VPS13D: variants seen among roughly 807,000 people sequenced by gnomAD.
The protein encoded by VPS13D is vacuolar protein sorting 13 homolog D.
VPS13D carries 187 observed loss-of-function variants against 461.9 expected under a neutral mutation model. The observed-to-expected ratio is 0.40, with a 90% CI of 0.36 to 0.46. The LOEUF (loss-of-function observed/expected upper bound fraction) is 0.46. VPS13D is among the 20% of genes least tolerant of loss of function. The pLI is 0.60. For missense variants in VPS13D, 4,711 were observed against 5,364.9 expected (o/e 0.88, Z 3.81); for synonymous variants, 1,951 against 1,986.3 (o/e 0.98, Z 0.47).
At chr1:12,348,392 A>G (rs772815533) in intron 44 of VPS13D, among the ~76,000 whole-genome samples, 3 of 152,228 alleles carry the variant, frequency 2.0e-5, no homozygotes, top group Non-Finnish European at 4.4e-5. Context: ...AGAGTAGAAG[A>G]CAAGCCTTTT....
intron 54 of VPS13D, 28 bp downstream of exon 54, chr1:12,369,730 A>G (rs547541907): frequency 6.3e-6 from 10 of 1,599,450 alleles, no homozygotes; most frequent in South Asian, 5.6e-5. Flanking sequence ...TACTGTTCCT[A>G]TAAAGCAGAA....
At position 12,455,901 on chromosome 1, in the gene VPS13D, T is replaced by C. The variant is rs1202061489; in HGVS notation, c.12334-97T>C. The C allele has an allele frequency of 4.9e-6, 7 of 1,419,488 alleles. No individual in the cohort carries two copies. The Admixed American group carries it at 1.4e-4, about 28-fold the overall frequency. 87.9% of individuals were successfully genotyped at this position (1,419,488 alleles called of 1,614,324 possible). A position where few individuals can be genotyped will look rare whatever the true frequency, so the allele number is the denominator to read the frequency against. ...ACCACTACAGACCAGCATGGGCTTATCTAATTGTATTTAATTTAAATTTAT... is the reference window on the plus strand; with the variant it reads ...ACCACTACAGACCAGCATGGGCTTACCTAATTGTATTTAATTTAAATTTAT... On this transcript the variant is annotated intron_variant, in intron 65 of 69. Coordinates refer to ENST00000620676, the MANE Select transcript of VPS13D (RefSeq NM_015378.4).
At chr1:12,407,682 A>G (rs1570112062) in intron 63 of VPS13D, among the ~76,000 whole-genome samples, 2 of 152,230 alleles carry the variant, frequency 1.3e-5, no homozygotes, top group African/African-American at 4.8e-5. Flanking sequence ...GAGTCCCAAA[A>G]GCAGTAAATG....
At chr1:12,287,430 G>A (rs546234238) in intron 21 of VPS13D, among the ~76,000 whole-genome samples, 10 of 152,008 alleles carry the variant, frequency 6.6e-5, no homozygotes, top group African/African-American at 2.4e-4. Flanking sequence ...CTACTTTGTG[G>A]CAGGCACTGA....
At chr1:12,290,871 G>A (rs1642112858) in intron 22 of VPS13D, 127 bp from the exon 23 acceptor site, 1 of 820,554 alleles carries the variant, frequency 1.2e-6, no homozygotes, top group African/African-American at 1.8e-5. Context: ...ATGAAAATTT[G>A]CTTTTGAGGT....
At chr1:12,462,610 G>T (rs1645426737) in intron 67 of VPS13D, among the ~76,000 whole-genome samples, 1 of 152,238 alleles carries the variant, frequency 6.6e-6, no homozygotes, top group African/African-American at 2.4e-5. Flanking sequence ...CCTGTGCCCA[G>T]CACCACTGCA....
rs1340593379 is a variant in VPS13D at position 12,253,699 on chromosome 1, CTTCT to C, written c.565-20_565-17del. The C allele has an allele frequency of 1.9e-6, 3 of 1,554,156 alleles. No individual in the cohort carries two copies. The highest frequency in any genetic ancestry group is 1.1e-5 in the South Asian group (1 of 89,618). ...CGAATAAAGACAGTCATCCTATTTT[CTTCT>C]TTGTCTTTTTTACCTCAGGTACAGA... On this transcript the variant is annotated intron_variant, in intron 6 of 69. Transcript: ENST00000620676.
intron 13 of VPS13D, among the ~76,000 whole-genome samples, chr1:12,263,140 T>TA (rs1490605201): frequency 6.6e-6 from 1 of 152,206 alleles, no homozygotes. Context: ...GTTTCTCTAA[T>TA]ACTCATATTT....
rs376988084 is a variant in VPS13D, at chr1:12,314,231, C to A, written c.7052C>A (p.Thr2351Asn). 6.2e-7 allele frequency: 1 copy of A among 1,614,050 alleles called. No homozygotes were observed. The highest frequency in any genetic ancestry group is 8.5e-7 in the Non-Finnish European group (1 of 1,180,032). The change falls in exon 30 of 70, where the codon ACC (threonine) becomes AAC (asparagine). Residue 2351 changes from threonine (T) to asparagine (N), a missense_variant. Physicochemically the swap from Thr to Asn is moderately conservative, Grantham distance 65. This residue lies in a region of VPS13D where 4,411 missense variants were observed against 4,937.8 expected (regional missense o/e 0.89). Transcript: ENST00000620676. ...AFDTRYAGQK[T>N]SPGMTNVFSC... ...GACACCCGTTATGCTGGGCAGAAGA[C>A]CAGCCCTGGCATGACGAATGTGTTC...
chr1:12,368,724 A>G, intron 53 of VPS13D, 133 bp downstream of exon 53: 1 of 1,116,726 alleles, frequency 9.0e-7, no homozygotes, highest in Admixed American at 2.8e-5. Context: ...GGTTCTTTAT[A>G]TCTGGACAAG....
intron 7 of VPS13D, among the ~76,000 whole-genome samples, chr1:12,255,104 C>A (rs1640873760): frequency 6.6e-6 from 1 of 152,106 alleles, no homozygotes; most frequent in African/African-American, 2.4e-5. Context: ...TGCCACCACG[C>A]CCAGCTAATT....
chr1:12,460,226 T>TA lies in VPS13D; in HGVS notation c.12493dup (p.Ile4165AsnfsTer81). ...GTATCATTGGTGGACTGACCAGTGT[T>TA]ATAACTTCGACAGTGGAAGGTGTGA... On this transcript the variant is annotated frameshift_variant, in exon 67 of 70. Transcript: ENST00000620676. LOFTEE classifies it high-confidence loss of function. The TA allele has an allele frequency of 6.2e-7, 1 of 1,608,482 alleles. No individual in the cohort carries two copies. The highest frequency in any genetic ancestry group is 8.5e-7 in the Non-Finnish European group (1 of 1,177,230).
intron 67 of VPS13D, among the ~76,000 whole-genome samples, chr1:12,465,524 G>T (rs1441154450): frequency 6.6e-6 from 1 of 152,188 alleles, no homozygotes; most frequent in African/African-American, 2.4e-5. Flanking sequence ...GGGACCCTCG[G>T]ATTGTGCACG....
At chr1:12,390,144 A>G (rs191031549) in intron 60 of VPS13D, among the ~76,000 whole-genome samples, 12 of 152,346 alleles carry the variant, frequency 7.9e-5, no homozygotes, top group Non-Finnish European at 1.5e-4. Flanking sequence ...CTAATGTTGC[A>G]GGAACAGAAA....
rs1233605024 is a variant in VPS13D at position 12,507,974 on chromosome 1, G to A, written c.13035+881G>A. On this transcript the variant is annotated intron_variant, in intron 69 of 69. Transcript: ENST00000620676. This position sits in a 1 kb window ranked among gnomAD's most constrained non-coding sequence, Gnocchi z 5.3. Reference sequence around the variant, plus strand: ...CCCACCTCTGCTCTCTCTATGGATCGGAAATAGCGCCAGCCTTATTGGGCC... The same window carrying A: ...CCCACCTCTGCTCTCTCTATGGATCAGAAATAGCGCCAGCCTTATTGGGCC... Among the ~76,000 whole-genome samples the A allele has an allele frequency of 1.3e-5, 2 of 152,220 alleles. No homozygotes were observed. Among genetic ancestry groups the A allele is most frequent in the Admixed American group, 6.5e-5 (1 of 15,292 alleles).
At chr1:12,338,354 C>G (rs763680291) in intron 40 of VPS13D, 49 bp downstream of exon 40, 3 of 1,563,710 alleles carry the variant, frequency 1.9e-6, no homozygotes, top group Middle Eastern at 3.4e-4. Flanking sequence ...GTTTTAAGAA[C>G]TTCCTTGTAC....
At chr1:12,345,574 A>G in intron 43 of VPS13D, 65 bp downstream of exon 43, 2 of 1,551,494 alleles carry the variant, frequency 1.3e-6, no homozygotes, top group Non-Finnish European at 8.8e-7. Context: ...TTAAGCCTGT[A>G]ATAAGCTTAC....
intron 59 of VPS13D, 97 bp from the exon 60 acceptor site, chr1:12,386,088 G>A: frequency 1.4e-6 from 2 of 1,383,484 alleles, no homozygotes; most frequent in East Asian, 2.5e-5. Flanking sequence ...GAGATCGGGA[G>A]TAGAGGAATG....
At chr1:12,316,679 A>G (rs531365358) in intron 30 of VPS13D, among the ~76,000 whole-genome samples, 1 of 152,342 alleles carries the variant, frequency 6.6e-6, no homozygotes, top group South Asian at 2.1e-4. Flanking sequence ...CCAGCCTCAG[A>G]AATATTTCCA....
Sources: allele counts gnomAD v4.1 joint callset (sites outside exome capture counted in the v4.1 genomes callset), GRCh38; gene constraint gnomAD v4.1.1; regional missense constraint gnomAD v4.1.1; non-coding constraint Gnocchi (gnomAD v3.1); transcripts MANE v1.5; gene names NCBI Gene and HGNC (gene_info 2026-07-23, HGNC 2026-07-21).